The following EXOSC2 variants were observed in gnomAD, a reference collection of about 807,000 sequenced individuals.
EXOSC2 encodes the protein exosome component 2, also known as exosome complex component RRP4.
EXOSC2 carries 29 observed loss-of-function variants against 37.6 expected under a neutral mutation model. The ratio of observed to expected loss-of-function variants is 0.77; its 90% CI spans 0.57 to 1.05. The LOEUF is 1.05. Among genes scored for constraint, EXOSC2 ranks in the 50% least tolerant of loss-of-function variants. EXOSC2 has a pLI of 0.00. For synonymous variants in EXOSC2, 119 were observed against 131.1 expected (o/e 0.91, Z 0.63); for missense variants, 346 against 365.6 (o/e 0.95, Z 0.44).
At chr9:130,701,339 G>C (rs776007391) in intron 6 of EXOSC2, 9 of 162,144 alleles carry the variant, frequency 5.6e-5, no homozygotes, top group South Asian at 1.8e-4. Context: ...CAGTCCAGTG[G>C]ATGTTATTGC....
At chr9:130,696,354 A>T (rs1831097322) in intron 2 of EXOSC2, among the ~76,000 whole-genome samples, 2 of 152,216 alleles carry the variant, frequency 1.3e-5, no homozygotes, top group Non-Finnish European at 2.9e-5. Flanking sequence ...CCTGCCTTGT[A>T]GCCAGAGTAA....
At chr9:130,695,844 T>C (rs1252414059) in intron 2 of EXOSC2, among the ~76,000 whole-genome samples, 2 of 147,884 alleles carry the variant, frequency 1.4e-5, no homozygotes, top group Non-Finnish European at 3.0e-5. Context: ...GCCTACTTCA[T>C]AGGATTTTCT....
chr9:130,700,852 C>T lies in EXOSC2; in HGVS notation c.427-15C>T. 8 of 1,613,838 alleles carry T rather than the reference C, an allele frequency of 5.0e-6. No homozygotes were observed. Among genetic ancestry groups the T allele is most frequent in the Non-Finnish European group, 6.8e-6 (8 of 1,179,870 alleles). On this transcript the variant is annotated splice_polypyrimidine_tract_variant and intron_variant, in intron 5 of 8. Transcript: ENST00000372358. ...TGGCCAAGGCTGCTGTTTGTTCCTT[C>T]ATCACCCTGGCCAGGCTGAGGTCCA... is the stretch of plus-strand genomic sequence containing the variant.
chr9:130,698,196 C>G lies in EXOSC2; in HGVS notation c.305C>G (p.Ser102Cys), dbSNP rs1233810735. Residue 102 changes from serine (S) to cysteine (C), a missense_variant, in exon 4 of 9, where the codon TCC becomes TGC. Physicochemically the swap from Ser to Cys is moderately radical, Grantham distance 112. Coordinates refer to ENST00000372358, the MANE Select transcript of EXOSC2 (RefSeq NM_014285.7). The surrounding 1 kb of genome is among the most constrained non-coding windows in gnomAD (Gnocchi z 4.1). ...AAGAGGTGGAAGGTGGAGACCAACTCCAGGCTGGATTCGGTCTTGCTGCTC... is the reference window on the plus strand; with the variant it reads ...AAGAGGTGGAAGGTGGAGACCAACTGCAGGCTGGATTCGGTCTTGCTGCTC... ...QQKRWKVETN[S>C]RLDSVLLLSS... 2 of 1,614,068 alleles carry G rather than the reference C, an allele frequency of 1.2e-6. No individual in the cohort carries two copies.
At chr9:130,693,997 T>C in intron 1 of EXOSC2, 84 bp downstream of exon 1, 1 of 1,463,082 alleles carries the variant, frequency 6.8e-7, no homozygotes, top group Non-Finnish European at 9.1e-7. Flanking sequence ...TATCCCTGTG[T>C]GTGTAACTCC....
At chr9:130,697,494 C>T (rs1831120895) in intron 2 of EXOSC2, 88 bp from the exon 3 acceptor site, 1 of 1,307,782 alleles carries the variant, frequency 7.6e-7, no homozygotes, top group Non-Finnish European at 1.1e-6. Flanking sequence ...CAGGCTTTCA[C>T]CCTGTTGAAC....
At chr9:130,702,024 A>T in intron 6 of EXOSC2, 110 bp from the exon 7 acceptor site, 1 of 1,468,464 alleles carries the variant, frequency 6.8e-7, no homozygotes, top group Non-Finnish European at 9.0e-7. Context: ...CAGCAATTAT[A>T]AACAGGAAGG....
rs1195809568 is a variant in EXOSC2 at position 130,698,159 on chromosome 9, T to C, written c.271-3T>C. ...GTGTCCAGGTGTGGAACTTGGCTTA[T>C]AGGTTCAACAGAAGAGGTGGAAGGT... On this transcript the variant is annotated splice_region_variant and splice_polypyrimidine_tract_variant and intron_variant, in intron 3 of 8. Coordinates refer to ENST00000372358, the MANE Select transcript of EXOSC2 (RefSeq NM_014285.7). The surrounding 1 kb of genome is among the most constrained non-coding windows in gnomAD (Gnocchi z 4.1). The C allele has an allele frequency of 8.1e-6, 13 of 1,613,758 alleles. No homozygotes were observed. The highest frequency in any genetic ancestry group is 1.1e-5 in the Non-Finnish European group (13 of 1,179,846).
intron 6 of EXOSC2, 154 bp from the exon 7 acceptor site, chr9:130,701,980 C>A: frequency 1.4e-6 from 2 of 1,433,888 alleles, no homozygotes; most frequent in Non-Finnish European, 1.8e-6. Flanking sequence ...GCGTTCTCTG[C>A]AAAAATGTGT....
intron 2 of EXOSC2, 48 bp downstream of exon 2, chr9:130,695,641 C>T (rs765363231): frequency 6.4e-7 from 1 of 1,561,088 alleles, no homozygotes; most frequent in Non-Finnish European, 8.8e-7. Context: ...TCAGGTTGTA[C>T]AACCAGGCTT....
rs767249073 is a variant in EXOSC2 at position 130,702,306 on chromosome 9, T to G, written c.668T>G (p.Leu223Arg). 1.2e-6 allele frequency: 2 copies of G among 1,613,346 alleles called. No individual in the cohort carries two copies. The highest frequency in any genetic ancestry group is 1.7e-6 in the Non-Finnish European group (2 of 1,179,618). The stretch of plus-strand genomic sequence containing the variant: ...GAAGCAGGGGGCTTCATTGCAAACC[T>G]GGAGGTGAGCAAACACTGTGGCCAT... ...EEEAGGFIAN[L>R]EPVSLADREV... is the part of the protein sequence containing the mutation. Residue 223 changes from leucine to arginine, a missense_variant, in exon 7 of 9, where the codon CTG becomes CGG. Coordinates refer to ENST00000372358, the MANE Select transcript of EXOSC2 (RefSeq NM_014285.7).
rs1393302267 is a variant in EXOSC2 at position 130,694,762 on chromosome 9, G to A, written c.123-730G>A. The stretch of plus-strand genomic sequence containing the variant: ...AGACGGAGTCTGTCTTAGATCAGTC[G>A]TGCGATCTCGGCTCACTGCAACCTC... On this transcript the variant is annotated intron_variant, in intron 1 of 8. Coordinates refer to ENST00000372358, the MANE Select transcript of EXOSC2 (RefSeq NM_014285.7). This position sits in a 1 kb window ranked among gnomAD's most constrained non-coding sequence, Gnocchi z 4.0. Among the ~76,000 whole-genome samples, 6 of 152,102 alleles carry A rather than the reference G, an allele frequency of 3.9e-5. No individual in the cohort carries two copies. Among genetic ancestry groups the A allele is most frequent in the Admixed American group, 1.3e-4 (2 of 15,280 alleles).
chr9:130,693,882 G>C lies in EXOSC2; in HGVS notation c.91G>C (p.Asp31His), dbSNP rs371754404. The change falls in exon 1 of 9, where the codon GAT becomes CAT. Residue 31 changes from aspartate (D) to histidine (H), a missense_variant. Asp to His is a moderately conservative substitution (Grantham distance 81). Transcript: ENST00000372358. ...DTKKHLVVPGDTITTDTGFMR... is the reference protein window; with the variant it reads ...DTKKHLVVPGHTITTDTGFMR... ...TAAGAAACATCTAGTGGTGCCGGGGGATACAATCACTACGGACACAGGATT... is the reference window on the plus strand; with the variant it reads ...TAAGAAACATCTAGTGGTGCCGGGGCATACAATCACTACGGACACAGGATT... 19 of 1,611,682 alleles carry C rather than the reference G, an allele frequency of 1.2e-5. No individual in the cohort carries two copies. Among genetic ancestry groups the C allele is most frequent in the Admixed American group, 5.0e-5 (3 of 59,842 alleles).
At chr9:130,701,041 GCATTAATAGAGGC>G in intron 6 of EXOSC2, 106 bp downstream of exon 6, 1 of 1,028,934 alleles carries the variant, frequency 9.7e-7, no homozygotes, top group South Asian at 1.4e-5. Flanking sequence ...CAGTAGCTAA[GCATTAATAGAGGC>G]TGGCATCCCA....
At chr9:130,700,329 T>TTTTA (rs367666983) in intron 5 of EXOSC2, among the ~76,000 whole-genome samples, 12,939 of 140,518 alleles carry the variant, frequency 0.092, 777 homozygotes, top group African/African-American at 0.16. Flanking sequence ...TCTGTCTTTA[T>TTTTA]TTTATTTATT....
rs1270901837 is a variant in EXOSC2, at chr9:130,694,876, G to GTTT, written c.123-604_123-602dup. Among the ~76,000 whole-genome samples the GTTT allele has an allele frequency of 2.8e-3, 401 of 144,622 alleles. 1 individual carries two copies. Among genetic ancestry groups the GTTT allele is most frequent in the African/African-American group, 9.3e-3 (364 of 39,340 alleles). The allele number at this position is 144,622 out of a possible 152,430, so 94.9% of individuals were successfully genotyped here. A position where few individuals can be genotyped will look rare whatever the true frequency, so the allele number is the denominator to read the frequency against. The stretch of plus-strand genomic sequence containing the variant: ...CGCCACCATGCCTAGCTAATTTTTG[G>GTTT]TTTTTTTTTTTTTTAGTAGAGACAG... On this transcript the variant is annotated intron_variant, in intron 1 of 8. Transcript: ENST00000372358. The surrounding 1 kb of genome is among the most constrained non-coding windows in gnomAD (Gnocchi z 4.0).
At chr9:130,699,709 T>C (rs1034143170) in intron 5 of EXOSC2, 1 of 303,888 alleles carries the variant, frequency 3.3e-6, no homozygotes, top group East Asian at 6.2e-5. Context: ...CACGTCAAGA[T>C]ATTAATGACA....
Position 130,700,854 on chromosome 9 carries a change from T to A in EXOSC2, c.427-13T>A, listed in dbSNP as rs369208646. 2 of 1,613,712 alleles carry A rather than the reference T, an allele frequency of 1.2e-6. No individual in the cohort carries two copies. Among genetic ancestry groups the A allele is most frequent in the Non-Finnish European group, 1.7e-6 (2 of 1,179,902 alleles). On this transcript the variant is annotated splice_polypyrimidine_tract_variant and intron_variant, in intron 5 of 8. Transcript: ENST00000372358. Reference sequence around the variant, plus strand: ...GCCAAGGCTGCTGTTTGTTCCTTCATCACCCTGGCCAGGCTGAGGTCCAGG... The same window carrying A: ...GCCAAGGCTGCTGTTTGTTCCTTCAACACCCTGGCCAGGCTGAGGTCCAGG...
chr9:130,697,508 C>T, intron 2 of EXOSC2, 74 bp from the exon 3 acceptor site: 1 of 1,434,438 alleles, frequency 7.0e-7, no homozygotes, highest in Non-Finnish European at 9.8e-7. Context: ...GTTGAACCGA[C>T]ATCTCAAATG....
Sources: allele counts gnomAD v4.1 joint callset (sites outside exome capture counted in the v4.1 genomes callset), GRCh38; gene constraint gnomAD v4.1.1; non-coding constraint Gnocchi (gnomAD v3.1); transcripts MANE v1.5; gene names NCBI Gene and HGNC (gene_info 2026-07-23, HGNC 2026-07-21).